The following CAMKMT variants were observed in gnomAD, a reference collection of about 807,000 sequenced individuals.
CAMKMT encodes calmodulin-lysine N-methyltransferase.
In CAMKMT, 53 loss-of-function variants were observed where a neutral mutation model predicts 48.0. That is an observed-to-expected ratio of 1.10 (90% CI 0.89 to 1.39). CAMKMT has a LOEUF of 1.39. Among genes scored for constraint, CAMKMT ranks in the 40% most tolerant of loss-of-function variants. CAMKMT has a pLI of 0.00. For missense variants in CAMKMT, 428 were observed against 402.7 expected, an observed-to-expected ratio of 1.06 and a Z score of -0.54; for synonymous variants, 165 against 152.3, an observed-to-expected ratio of 1.08 and a Z score of -0.61.
rs555872224 is a variant in CAMKMT at position 44,750,829 on chromosome 2, C to G, written c.699-3226C>G. ...AGGAGTTTGAGACCAACCTGGCCAA[C>G]ATGGTGAAACCCTGCCTCTACTAAA... On this transcript the variant is annotated intron_variant, in intron 8 of 10. Coordinates refer to ENST00000378494, the MANE Select transcript of CAMKMT (RefSeq NM_024766.5). Among the ~76,000 whole-genome samples the G allele has an allele frequency of 4.6e-5, 7 of 152,328 alleles. No homozygotes were observed. The East Asian group carries it at 1.4e-3, about 29-fold the overall frequency.
At chr2:44,378,521 G>A (rs1412749901) in intron 2 of CAMKMT, among the ~76,000 whole-genome samples, 1 of 152,048 alleles carries the variant, frequency 6.6e-6, no homozygotes, top group Non-Finnish European at 1.5e-5. Flanking sequence ...TTGAGACAGA[G>A]TCTTGCTCTG....
At chr2:44,579,591 A>G (rs968063505) in intron 3 of CAMKMT, among the ~76,000 whole-genome samples, 2 of 152,212 alleles carry the variant, frequency 1.3e-5, no homozygotes, top group Non-Finnish European at 2.9e-5. Context: ...TCTCACTCGC[A>G]TTACTGCCCA....
rs1288709347 is a variant in CAMKMT at position 44,659,545 on chromosome 2, CAT to C, written c.377-44736_377-44735del. Among the ~76,000 whole-genome samples, 11 of 117,042 alleles carry C rather than the reference CAT, an allele frequency of 9.4e-5. No individual in the cohort carries two copies. In the East Asian group the frequency reaches 2.5e-3, roughly 27 times the overall value. 76.8% of individuals were successfully genotyped at this position (117,042 alleles called of 152,430 possible). ...AGGAGTTCTAGACCAGCCTGGGCAACATAGGGAAACCCCATCTCTACAAAAAA... is the reference window on the plus strand; with the variant it reads ...AGGAGTTCTAGACCAGCCTGGGCAACAGGGAAACCCCATCTCTACAAAAAA... On this transcript the variant is annotated intron_variant, in intron 3 of 10. Transcript: ENST00000378494.
intron 3 of CAMKMT, among the ~76,000 whole-genome samples, chr2:44,571,529 C>A (rs540046646): frequency 6.6e-6 from 1 of 152,206 alleles, no homozygotes; most frequent in South Asian, 2.1e-4. Flanking sequence ...AAATAGCAAT[C>A]CTGTGTATTC....
At chr2:44,556,697 C>T in intron 3 of CAMKMT, among the ~76,000 whole-genome samples, 1 of 62,360 alleles carries the variant, frequency 1.6e-5, no homozygotes, top group Non-Finnish European at 3.5e-5. Flanking sequence ...TCTTGATCTC[C>T]TGACCTCATG....
intron 1 of CAMKMT, among the ~76,000 whole-genome samples, chr2:44,363,304 CTAATTTTTTTTAA>C (rs1207273558): frequency 6.6e-6 from 1 of 152,072 alleles, no homozygotes. Context: ...AAGTAAATAT[CTAATTTTTTTTAA>C]TAGTGACCAC....
chr2:44,754,007 A>G lies in CAMKMT; in HGVS notation c.699-48A>G, dbSNP rs763999505. On this transcript the variant is annotated intron_variant, in intron 8 of 10. Transcript: ENST00000378494. ...TACTTATCTCCATTAGTATCATTAG[A>G]CTTGAAAACCCAGTTTAATCTGGAT... is the stretch of plus-strand genomic sequence containing the variant. 64 of 1,380,362 alleles carry G rather than the reference A, an allele frequency of 4.6e-5. 1 individual carries two copies. The highest frequency in any genetic ancestry group is 6.1e-5 in the Non-Finnish European group (59 of 969,778). The allele number at this position is 1,380,362 out of a possible 1,614,324, so 85.5% of individuals were successfully genotyped here.
chr2:44,719,305 G>T (rs1319729353), intron 7 of CAMKMT, among the ~76,000 whole-genome samples: 1 of 152,158 alleles, frequency 6.6e-6, no homozygotes, highest in African/African-American at 2.4e-5. Context: ...CCTTAGAATA[G>T]TACCACAGTT....
At chr2:44,583,740 G>A (rs1669698147) in intron 3 of CAMKMT, among the ~76,000 whole-genome samples, 1 of 152,024 alleles carries the variant, frequency 6.6e-6, no homozygotes, top group Non-Finnish European at 1.5e-5. Context: ...AGGCTGCAGT[G>A]AGCTATGTTT....
At chr2:44,542,168 GT>G (rs1220227415) in intron 3 of CAMKMT, among the ~76,000 whole-genome samples, 5 of 151,116 alleles carry the variant, frequency 3.3e-5, no homozygotes, top group Non-Finnish European at 7.4e-5. Context: ...GTCTCTAACA[GT>G]ATAGTCAGCT....
intron 3 of CAMKMT, among the ~76,000 whole-genome samples, chr2:44,562,767 G>C (rs909895694): frequency 1.3e-5 from 2 of 152,074 alleles, no homozygotes; most frequent in African/African-American, 4.8e-5. Flanking sequence ...CAACATGTTG[G>C]CCAGGCTGGT....
At chr2:44,538,373 CAA>C (rs202189281) in intron 3 of CAMKMT, among the ~76,000 whole-genome samples, 1 of 129,756 alleles carries the variant, frequency 7.7e-6, no homozygotes, top group Non-Finnish European at 1.6e-5. Flanking sequence ...ATCTCAAAAA[CAA>C]AAAAAAAAAA....
At chr2:44,390,084 C>T (rs1234544109) in intron 2 of CAMKMT, among the ~76,000 whole-genome samples, 157 bp from the exon 3 acceptor site, 1 of 152,178 alleles carries the variant, frequency 6.6e-6, no homozygotes, top group Non-Finnish European at 1.5e-5. Flanking sequence ...TTCTTTCCTT[C>T]TCCCTCTAGT....
At chr2:44,551,152 G>A (rs1189650028) in intron 3 of CAMKMT, among the ~76,000 whole-genome samples, 1 of 152,020 alleles carries the variant, frequency 6.6e-6, no homozygotes, top group East Asian at 1.9e-4. Context: ...CCTGTTTAAT[G>A]GGGCAGAAAC....
intron 3 of CAMKMT, among the ~76,000 whole-genome samples, chr2:44,598,212 C>A (rs1164949050): frequency 6.6e-6 from 1 of 151,854 alleles, no homozygotes; most frequent in Non-Finnish European, 1.5e-5. Flanking sequence ...TAAGGAAATG[C>A]TAAATTTGGT....
chr2:44,706,103 A>G (rs1273729363), intron 4 of CAMKMT, among the ~76,000 whole-genome samples, 184 bp from the exon 5 acceptor site: 1 of 152,102 alleles, frequency 6.6e-6, no homozygotes, highest in Non-Finnish European at 1.5e-5. Flanking sequence ...CTGCTTTGTG[A>G]CTTTTCTATT....
At chr2:44,717,393 G>T (rs116340726) in intron 7 of CAMKMT, among the ~76,000 whole-genome samples, 3,405 of 152,228 alleles carry the variant, frequency 0.022, 52 homozygotes, top group African/African-American at 0.044. Flanking sequence ...ATTAAGGAGT[G>T]ACCTGATCAC....
At chr2:44,390,175 C>A in intron 2 of CAMKMT, 66 bp from the exon 3 acceptor site, 2 of 1,258,084 alleles carry the variant, frequency 1.6e-6, no homozygotes, top group African/African-American at 1.5e-5. Context: ...TCAGTCTCAG[C>A]TTTTTTGAAT....
In CAMKMT at chr2:44,700,529, TTAATTAGCC is replaced by T. The variant is rs1372128750; in HGVS notation, c.377-3749_377-3741del. Among the ~76,000 whole-genome samples the T allele has an allele frequency of 1.2e-4, 18 of 152,258 alleles. No homozygotes were observed. The East Asian group carries it at 3.5e-3, about 29-fold the overall frequency. On this transcript the variant is annotated intron_variant, in intron 3 of 10. Transcript: ENST00000378494. ...ACTTAGAGACCATTTGTTAAGTTTA[TTAATTAGCC>T]TAATAATAGGGAGGCCTGGGGAGAG...
Sources: gnomAD v4.1 joint callset for allele counts (sites outside exome capture counted in the v4.1 genomes callset) on GRCh38, gnomAD v4.1.1 for gene constraint, MANE v1.5 for transcripts, NCBI Gene and HGNC (gene_info 2026-07-23, HGNC 2026-07-21) for gene names.